Variants in SSB observed in about 807,000 individuals in gnomAD.
SSB encodes the protein small RNA binding exonuclease protection factor La, also known as lupus La protein.
In SSB, 17 loss-of-function variants were observed where a neutral mutation model predicts 52.9. That is an observed-to-expected ratio of 0.32 (90% confidence interval 0.22 to 0.48). The LOEUF (loss-of-function observed/expected upper bound fraction) is 0.48, where lower values mean the gene tolerates loss of function less well. SSB is among the 20% of genes least tolerant of loss of function. SSB has a pLI of 0.99. For missense variants in SSB, 314 were observed against 463.6 expected, an observed-to-expected ratio of 0.68 and a Z score of 2.96; for synonymous variants, 111 against 152.1, an observed-to-expected ratio of 0.73 and a Z score of 1.99.
Position 169,811,986 on chromosome 2 carries a change from A to T in SSB, c.*230A>T. ...CAAATATCAAAAGGAAGATTCTTCC[A>T]TTAAATTGCCTTTGTAATATGAGAA... is the stretch of plus-strand genomic sequence containing the variant. On this transcript the variant is annotated 3_prime_UTR_variant, in exon 12 of 12. Transcript: ENST00000260956. 2 of 1,078,902 alleles carry T rather than the reference A, an allele frequency of 1.9e-6. No individual in the cohort carries two copies. The highest frequency in any genetic ancestry group is 2.7e-6 in the Non-Finnish European group (2 of 744,938). The allele number at this position is 1,078,902 out of a possible 1,614,324, so 66.8% of individuals were successfully genotyped here.
chr2:169,809,819 T>C (rs867299764), intron 8 of SSB, among the ~76,000 whole-genome samples: 1 of 151,942 alleles, frequency 6.6e-6, no homozygotes, highest in Non-Finnish European at 1.5e-5. Flanking sequence ...GGTTTCACCA[T>C]GTTAGCCAGG....
At chr2:169,804,651 T>C (rs1689788418) in intron 2 of SSB, among the ~76,000 whole-genome samples, 1 of 151,924 alleles carries the variant, frequency 6.6e-6, no homozygotes, top group African/African-American at 2.4e-5. Flanking sequence ...TTTCAAATGA[T>C]TCTTCTGCCC....
intron 4 of SSB, 71 bp from the exon 5 acceptor site, chr2:169,806,714 C>A: frequency 7.9e-7 from 1 of 1,261,708 alleles, no homozygotes; most frequent in Non-Finnish European, 1.1e-6. Context: ...AAAAATGAAT[C>A]AAATTCTCTC....
At chr2:169,801,909 C>T (rs1340381994) in intron 2 of SSB, among the ~76,000 whole-genome samples, 1 of 152,038 alleles carries the variant, frequency 6.6e-6, no homozygotes, top group African/African-American at 2.4e-5. Context: ...TTTATGTTAA[C>T]GTAATACCTC....
At position 169,805,564 on chromosome 2, in the gene SSB, A is replaced by G. The variant is rs532347388; in HGVS notation, c.157A>G (p.Ile53Val). 7 of 1,613,824 alleles carry G rather than the reference A, an allele frequency of 4.3e-6. No individual in the cohort carries two copies. The Admixed American group carries it at 1.0e-4, about 23-fold the overall frequency. ...DEGWVPLEIM[I>V]KFNRLNRLTT... ...AGGCTGGGTACCTTTGGAGATAATG[A>G]TAAAATTCAACAGGTAACAAGCTTT... is the stretch of plus-strand genomic sequence containing the variant. Residue 53 changes from isoleucine to valine, a missense_variant, in exon 3 of 12, where the codon ATA becomes GTA. Physicochemically the swap from Ile to Val is conservative, Grantham distance 29 (BLOSUM62 3). Transcript: ENST00000260956.
rs182711011 is a variant in SSB, at chr2:169,807,716, T to C, written c.554+645T>C. Among the ~76,000 whole-genome samples, 715 of 151,922 alleles carry C rather than the reference T, an allele frequency of 4.7e-3. 4 individuals carry two copies. The highest frequency in any genetic ancestry group is 0.017 in the African/African-American group (694 of 41,458). ...AAATATATCAATGCAGTTTTCATCT[T>C]ATTTTTCATAGCCTATATGTCTTTT... On this transcript the variant is annotated intron_variant, in intron 6 of 11. Transcript: ENST00000260956.
At chr2:169,805,926 C>T in intron 4 of SSB, 87 bp downstream of exon 4, 2 of 1,221,096 alleles carry the variant, frequency 1.6e-6, no homozygotes, top group Non-Finnish European at 2.3e-6. Flanking sequence ...ATCACAGCCT[C>T]ACTAATTACT....
At chr2:169,806,379 C>T (rs1345749501) in intron 4 of SSB, among the ~76,000 whole-genome samples, 1 of 152,120 alleles carries the variant, frequency 6.6e-6, no homozygotes, top group Non-Finnish European at 1.5e-5. Flanking sequence ...TTCTAAGCAC[C>T]TATTGCCTAT....
At chr2:169,804,973 A>T (rs1005657841) in intron 2 of SSB, among the ~76,000 whole-genome samples, 2 of 152,110 alleles carry the variant, frequency 1.3e-5, no homozygotes, top group Admixed American at 6.5e-5. Context: ...TACTAAAAAT[A>T]ACAAAAATTC....
At chr2:169,811,598 A>G in intron 11 of SSB, 70 bp from the exon 12 acceptor site, 1 of 1,555,820 alleles carries the variant, frequency 6.4e-7, no homozygotes, top group Non-Finnish European at 8.6e-7. Flanking sequence ...CATTATTAGT[A>G]ATTGTGCTCA....
intron 2 of SSB, among the ~76,000 whole-genome samples, chr2:169,804,691 G>A (rs1403124226): frequency 6.6e-6 from 1 of 152,078 alleles, no homozygotes; most frequent in Non-Finnish European, 1.5e-5. Flanking sequence ...GACTACAGGT[G>A]TGTGCCACTA....
intron 3 of SSB, 39 bp downstream of exon 3, chr2:169,805,616 T>G: frequency 6.2e-7 from 1 of 1,612,056 alleles, no homozygotes; most frequent in Non-Finnish European, 8.5e-7. Context: ...GTTTTCTGTT[T>G]ACAATGAGTG....
chr2:169,803,891 A>C (rs1689764111), intron 2 of SSB, among the ~76,000 whole-genome samples: 1 of 152,024 alleles, frequency 6.6e-6, no homozygotes, highest in Non-Finnish European at 1.5e-5. Flanking sequence ...GGCGTGCACC[A>C]CCATGTGTGG....
chr2:169,809,674 G>A (rs1165850502), intron 8 of SSB, among the ~76,000 whole-genome samples: 9 of 151,642 alleles, frequency 5.9e-5, no homozygotes, highest in African/African-American at 9.7e-5. Flanking sequence ...GTGCAGTGGC[G>A]CGATCTCGGC....
rs1689923533 is a variant in SSB, at chr2:169,810,419, A to G, written c.806A>G (p.Lys269Arg). Residue 269 changes from lysine to arginine, a missense_variant, in exon 9 of 12, where the codon AAA (lysine) becomes AGA (arginine). Lys to Arg is a conservative substitution (Grantham distance 26, BLOSUM62 2). Coordinates refer to ENST00000260956, the MANE Select transcript of SSB (RefSeq NM_003142.5). The part of the protein sequence containing the change: ...IKWIDFVRGA[K>R]EGIILFKEKA... Reference sequence around the variant, plus strand: ...TGGATAGACTTCGTCAGAGGAGCAAAAGAGGTTTGGATACATCCCTATCCT... The same window carrying G: ...TGGATAGACTTCGTCAGAGGAGCAAGAGAGGTTTGGATACATCCCTATCCT... 1 of 1,607,410 alleles carries G rather than the reference A, an allele frequency of 6.2e-7. No homozygotes were observed. The highest frequency in any genetic ancestry group is 1.1e-5 in the South Asian group (1 of 88,916).
chr2:169,800,046 A>G (rs1301627586), intron 1 of SSB, among the ~76,000 whole-genome samples: 1 of 152,214 alleles, frequency 6.6e-6, no homozygotes, highest in Non-Finnish European at 1.5e-5. Flanking sequence ...GAAACTGGCT[A>G]TCCAATGTAT....
Position 169,811,193 on chromosome 2 carries a change from T to C in SSB, c.1008T>C (p.Phe336=), listed in dbSNP as rs1553482869. The C allele has an allele frequency of 6.2e-7, 1 of 1,609,228 alleles. No homozygotes were observed. The highest frequency in any genetic ancestry group is 1.1e-5 in the South Asian group (1 of 89,374). The change falls in exon 11 of 12, where the codon TTT becomes TTC. Residue 336 remains phenylalanine, a synonymous_variant. Transcript: ENST00000260956. ...LNKWKSKGRR[F]KGKGKGNKAA... ...ATTGTGTCTCTACAGGTCGTAGATT[T>C]AAAGGAAAAGGAAAGGGTAATAAAG...
chr2:169,801,512 T>G (rs886528805), intron 2 of SSB, among the ~76,000 whole-genome samples: 1 of 56,576 alleles, frequency 1.8e-5, no homozygotes, highest in African/African-American at 3.8e-5. Context: ...TAATATAGTT[T>G]TTTTTTTTTT....
At chr2:169,801,765 C>A (rs930871506) in intron 2 of SSB, among the ~76,000 whole-genome samples, 1 of 152,062 alleles carries the variant, frequency 6.6e-6, no homozygotes, top group Admixed American at 6.6e-5. Context: ...AACTCCAGAC[C>A]TCAGGTGATC....
Sources: gnomAD v4.1 joint callset for allele counts (sites outside exome capture counted in the v4.1 genomes callset) on GRCh38, gnomAD v4.1.1 for gene constraint, MANE v1.5 for transcripts, NCBI Gene and HGNC (gene_info 2026-07-23, HGNC 2026-07-21) for gene names.